C1QTNF7: variants seen among roughly 807,000 people sequenced by gnomAD.
The protein encoded by C1QTNF7 is C1q and TNF related 7.
Under a neutral mutation model 19.6 loss-of-function variants are expected in C1QTNF7, and 15 were observed. The ratio of observed to expected loss-of-function variants is 0.76; its 90% CI spans 0.51 to 1.18. The LOEUF (loss-of-function observed/expected upper bound fraction) is 1.18, where lower values mean the gene tolerates loss of function less well. Ranked by LOEUF, C1QTNF7 falls within the 50% of genes most tolerant of loss-of-function variation. C1QTNF7 has a pLI of 0.00. For synonymous variants in C1QTNF7, 142 were observed against 137.5 expected (o/e 1.03, Z -0.23); for missense variants, 324 against 359.7 (o/e 0.90, Z 0.80).
Position 15,364,789 on chromosome 4 carries a change from G to T in C1QTNF7, c.13+24582G>T, listed in dbSNP as rs1717453272. ...CATTGCATCAGTGGGCAAGCACATGGGATGATCATGACAATTCAAAGTACC... is the reference window on the plus strand; with the variant it reads ...CATTGCATCAGTGGGCAAGCACATGTGATGATCATGACAATTCAAAGTACC... On this transcript the variant is annotated intron_variant, in intron 1 of 2. Transcript: ENST00000295297. 2.6e-5 allele frequency among the ~76,000 whole-genome samples: 4 copies of T among 152,120 alleles called. No homozygotes were observed. In the South Asian group the frequency reaches 8.3e-4, roughly 32 times the overall value.
intron 1 of C1QTNF7, among the ~76,000 whole-genome samples, chr4:15,382,805 C>T (rs763966571): frequency 6.6e-5 from 10 of 152,166 alleles, no homozygotes; most frequent in Non-Finnish European, 1.5e-4. Flanking sequence ...GTTAATCTAA[C>T]CTTAGTTGAT....
At chr4:15,359,145 T>A (rs1468463481) in intron 1 of C1QTNF7, among the ~76,000 whole-genome samples, 2 of 152,116 alleles carry the variant, frequency 1.3e-5, no homozygotes, top group African/African-American at 4.8e-5. Flanking sequence ...GAAGGTCAGG[T>A]GCTCACATTC....
At chr4:15,382,851 C>A (rs188903524) in intron 1 of C1QTNF7, among the ~76,000 whole-genome samples, 2 of 152,314 alleles carry the variant, frequency 1.3e-5, no homozygotes, top group East Asian at 3.9e-4. Flanking sequence ...GCTGTTCGGA[C>A]TAAGTATCCA....
intron 1 of C1QTNF7, among the ~76,000 whole-genome samples, chr4:15,396,377 T>C (rs568833716): frequency 1.3e-5 from 2 of 152,184 alleles, no homozygotes; most frequent in South Asian, 2.1e-4. Flanking sequence ...ATAAAATGTA[T>C]CTAGCAGAGC....
chr4:15,360,803 G>A (rs1717318537), intron 1 of C1QTNF7, among the ~76,000 whole-genome samples: 1 of 152,160 alleles, frequency 6.6e-6, no homozygotes, highest in African/African-American at 2.4e-5. Flanking sequence ...GCAAGTAGAT[G>A]AATTTGCAAT....
intron 1 of C1QTNF7, among the ~76,000 whole-genome samples, chr4:15,367,926 C>G (rs748144917): frequency 1.3e-5 from 2 of 151,992 alleles, no homozygotes; most frequent in Non-Finnish European, 2.9e-5. Flanking sequence ...TTATAGTGCA[C>G]AATTCAATTT....
chr4:15,362,068 T>C (rs181768528), intron 1 of C1QTNF7, among the ~76,000 whole-genome samples: 38 of 152,262 alleles, frequency 2.5e-4, no homozygotes, highest in African/African-American at 8.7e-4. Flanking sequence ...GGCAAGTCAA[T>C]TAAGCTCGCT....
intron 1 of C1QTNF7, chr4:15,374,506 G>A (rs976956903): frequency 1.6e-5 from 15 of 941,420 alleles, no homozygotes; most frequent in African/African-American, 1.4e-4. Context: ...GTCTTCTTTC[G>A]GGCTCGATCA....
Position 15,343,863 on chromosome 4 carries a change from T to A in C1QTNF7, c.13+3656T>A, listed in dbSNP as rs541580855. Among the ~76,000 whole-genome samples, 8 of 152,296 alleles carry A rather than the reference T, an allele frequency of 5.3e-5. No homozygotes were observed. The South Asian group carries it at 1.7e-3, about 32-fold the overall frequency. On this transcript the variant is annotated intron_variant, in intron 1 of 2. Coordinates refer to the C1QTNF7 transcript ENST00000295297. ...ACCAGGTCACAAGGTGGGTGTAGAC[T>A]TACCCATTTGGCAGATGAGAAAACT...
At chr4:15,346,735 A>G (rs1299785913) in intron 1 of C1QTNF7, among the ~76,000 whole-genome samples, 3 of 152,138 alleles carry the variant, frequency 2.0e-5, no homozygotes, top group African/African-American at 7.2e-5. Context: ...GTATCTATCA[A>G]TTTCCCAGAT....
chr4:15,391,697 T>TA (rs1261226959), intron 1 of C1QTNF7, among the ~76,000 whole-genome samples: 1 of 152,166 alleles, frequency 6.6e-6, no homozygotes, highest in Non-Finnish European at 1.5e-5. Flanking sequence ...TATGTATTAT[T>TA]AAAAATCAAA....
chr4:15,375,815 AAAT>A (rs1353631677), intron 1 of C1QTNF7, among the ~76,000 whole-genome samples: 1 of 152,196 alleles, frequency 6.6e-6, no homozygotes, highest in African/African-American at 2.4e-5. Context: ...CCTCCAAAAT[AAAT>A]AATAATTGCC....
chr4:15,370,469 G>A (rs1039057041), intron 1 of C1QTNF7, among the ~76,000 whole-genome samples: 3 of 152,106 alleles, frequency 2.0e-5, no homozygotes, highest in African/African-American at 4.8e-5. Context: ...CTGTAATTAG[G>A]AACTCTGCCT....
chr4:15,394,049 C>A (rs953974498), intron 1 of C1QTNF7, among the ~76,000 whole-genome samples: 1 of 152,134 alleles, frequency 6.6e-6, no homozygotes, highest in African/African-American at 2.4e-5. Flanking sequence ...CTCACAGATA[C>A]ATGAAGTTTG....
intron 1 of C1QTNF7, among the ~76,000 whole-genome samples, chr4:15,433,730 G>A (rs1022967776): frequency 3.3e-5 from 5 of 152,094 alleles, no homozygotes; most frequent in Admixed American, 2.0e-4. Flanking sequence ...CGGCCTCCTC[G>A]GCAGGTAGCC....
rs1420776149 is a variant in C1QTNF7 at position 15,442,833 on chromosome 4, T to C, written c.*34T>C. 1.9e-6 allele frequency: 3 copies of C among 1,540,430 alleles called. No homozygotes were observed. Among genetic ancestry groups the C allele is most frequent in the Admixed American group, 2.0e-5 (1 of 50,956 alleles). On this transcript the variant is annotated 3_prime_UTR_variant, in exon 3 of 3. Coordinates refer to ENST00000444304, the MANE Select transcript of C1QTNF7 (RefSeq NM_031911.5). ...AAGATCCCTGTGGTAAACACTCTGA[T>C]TGAATCTGGGGTTCCAGAAGGTGGA...
At chr4:15,392,117 C>G (rs1718582128) in intron 1 of C1QTNF7, among the ~76,000 whole-genome samples, 1 of 152,102 alleles carries the variant, frequency 6.6e-6, no homozygotes, top group Non-Finnish European at 1.5e-5. Flanking sequence ...TTAGCCAGGA[C>G]AAAAAGAACT....
intron 1 of C1QTNF7, among the ~76,000 whole-genome samples, chr4:15,422,292 T>C (rs1711817022): frequency 6.6e-6 from 1 of 152,114 alleles, no homozygotes; most frequent in Non-Finnish European, 1.5e-5. Flanking sequence ...GGCAGATTTT[T>C]TATCTCCAGT....
intron 1 of C1QTNF7, among the ~76,000 whole-genome samples, chr4:15,402,706 T>G (rs1369973123): frequency 1.3e-5 from 2 of 152,216 alleles, no homozygotes; most frequent in Non-Finnish European, 2.9e-5. Flanking sequence ...AATTCTGGAA[T>G]TGTTTTTCAT....
Sources: allele counts gnomAD v4.1 joint callset (sites outside exome capture counted in the v4.1 genomes callset), GRCh38; gene constraint gnomAD v4.1.1; transcripts MANE v1.5; gene names NCBI Gene and HGNC (gene_info 2026-07-23, HGNC 2026-07-21).